The following SRRM2 variants were observed in gnomAD, a reference collection of about 807,000 sequenced individuals.
SRRM2 encodes serine/arginine repetitive matrix 2, also known as serine/arginine repetitive matrix protein 2.
SRRM2 carries 30 observed loss-of-function variants against 213.8 expected under a neutral mutation model. That is an observed-to-expected ratio of 0.14 (90% CI 0.10 to 0.19). SRRM2 has a LOEUF of 0.19. Among genes scored for constraint, SRRM2 ranks in the 10% least tolerant of loss-of-function variants. SRRM2 has a pLI of 1.00. For synonymous variants in SRRM2, 2,025 were observed against 1,377.7 expected (o/e 1.47, Z -10.40); for missense variants, 4,904 against 3,647.0 (o/e 1.34, Z -8.88).
rs963278862 is a variant in SRRM2, at chr16:2,767,748, C to G, written c.7220C>G (p.Ser2407Cys). The change falls in exon 11 of 15, where the codon TCC becomes TGC. Residue 2407 changes from serine to cysteine, a missense_variant. Coordinates refer to ENST00000301740, the MANE Select transcript of SRRM2 (RefSeq NM_016333.4). Reference protein sequence around the residue: ...TSPPLLDRARSRTPPSAPSQS... With the variant: ...TSPPLLDRARCRTPPSAPSQS... ...CCACCGCTCCTTGACCGAGCTAGGT[C>G]CAGAACACCACCGTCTGCCCCAAGC... 33 of 1,613,702 alleles carry G rather than the reference C, an allele frequency of 2.0e-5. No individual in the cohort carries two copies. Among genetic ancestry groups the G allele is most frequent in the Non-Finnish European group, 2.7e-5 (32 of 1,179,936 alleles).
At chr16:2,758,038 A>T in intron 4 of SRRM2, 93 bp downstream of exon 4, 1 of 1,453,844 alleles carries the variant, frequency 6.9e-7, no homozygotes. Flanking sequence ...TTTCTTCCCA[A>T]ACTCTTCAGA....
chr16:2,765,460 C>G lies in SRRM2; in HGVS notation c.4932C>G (p.Gly1644=), dbSNP rs775977845. 2.5e-6 allele frequency: 4 copies of G among 1,614,158 alleles called. No homozygotes were observed. Among genetic ancestry groups the G allele is most frequent in the Non-Finnish European group, 3.4e-6 (4 of 1,180,018 alleles). ...GCAGATCAGGTTCATCAAGCAAAGG[C>G]AGAGGCCCTTCTCCTGAAGGAAGCA... ...RRSRSGSSSK[G]RGPSPEGSSS... is the part of the protein sequence containing the mutation. Residue 1644 remains glycine (G), a synonymous_variant, in exon 11 of 15, where the codon GGC becomes GGG. Transcript: ENST00000301740.
Position 2,765,296 on chromosome 16 carries a change from C to G in SRRM2, c.4768C>G (p.Arg1590Gly), listed in dbSNP as rs1186478471. 3 of 1,614,008 alleles carry G rather than the reference C, an allele frequency of 1.9e-6. No homozygotes were observed. Among genetic ancestry groups the G allele is most frequent in the East Asian group, 2.2e-5 (1 of 44,882 alleles). Residue 1590 changes from arginine to glycine, a missense_variant, in exon 11 of 15, where the codon CGA becomes GGA. By Grantham distance (125) the Arg-to-Gly change is moderately radical. Coordinates refer to ENST00000301740, the MANE Select transcript of SRRM2 (RefSeq NM_016333.4). The stretch of plus-strand genomic sequence containing the variant: ...ATCTCCAGAGGTTGACAGCAAATCT[C>G]GACTATCCCCTCGGCGCAGTAGGTC... ...GSSPEVDSKSRLSPRRSRSGS... is the reference protein window; with the variant it reads ...GSSPEVDSKSGLSPRRSRSGS...
Position 2,758,559 on chromosome 16 carries a change from G to A in SRRM2, c.593+12G>A. 1 of 1,611,818 alleles carries A rather than the reference G, an allele frequency of 6.2e-7. No individual in the cohort carries two copies. The highest frequency in any genetic ancestry group is 8.5e-7 in the Non-Finnish European group (1 of 1,177,988). The stretch of plus-strand genomic sequence containing the variant: ...AAAGATAGAGGACGGTAAGTTAGTT[G>A]GAAAGTGACTCTGATAGCCAGAGGA... On this transcript the variant is annotated intron_variant, in intron 5 of 14. Transcript: ENST00000301740.
rs1358273204 is a variant in SRRM2 at position 2,767,022 on chromosome 16, C to T, written c.6494C>T (p.Pro2165Leu). 1 of 1,614,182 alleles carries T rather than the reference C, an allele frequency of 6.2e-7. No individual in the cohort carries two copies. Among genetic ancestry groups the T allele is most frequent in the Admixed American group, 1.7e-5 (1 of 60,028 alleles). Residue 2165 changes from proline (P) to leucine (L), a missense_variant, in exon 11 of 15, where the codon CCT (proline) becomes CTT (leucine). By Grantham distance (98) the Pro-to-Leu change is moderately conservative. Coordinates refer to ENST00000301740, the MANE Select transcript of SRRM2 (RefSeq NM_016333.4). ...ATGGATGGTCCAGGTCCCCGAATAC[C>T]TGACCACCAGAGAACATCTGTGCCA... is the stretch of plus-strand genomic sequence containing the variant. ...SMMDGPGPRI[P>L]DHQRTSVPEN...
rs754945975 is a variant in SRRM2 at position 2,756,379 on chromosome 16, C to T, written c.15C>T (p.Ile5=). The T allele has an allele frequency of 1.5e-5, 24 of 1,604,958 alleles. No individual in the cohort carries two copies. Among genetic ancestry groups the T allele is most frequent in the African/African-American group, 4.0e-5 (3 of 74,772 alleles). The change falls in exon 2 of 15, where the codon ATC becomes ATT. Residue 5 remains isoleucine (I), a synonymous_variant. Coordinates refer to ENST00000301740, the MANE Select transcript of SRRM2 (RefSeq NM_016333.4). MYNG[I]GLPTPRGSGT... is the part of the protein sequence containing the mutation. ...GGCACGGGGCCATGTACAACGGGAT[C>T]GGGCTGCCGACGCCCCGGGGCAGCG...
rs1292914683 is a variant in SRRM2, at chr16:2,771,211, G to A, written c.*344G>A. 2 of 655,658 alleles carry A rather than the reference G, an allele frequency of 3.1e-6. No individual in the cohort carries two copies. Among genetic ancestry groups the A allele is most frequent in the Non-Finnish European group, 5.3e-6 (2 of 374,274 alleles). 40.6% of individuals were successfully genotyped at this position (655,658 alleles called of 1,614,324 possible). Reference sequence around the variant, plus strand: ...TCCAGAAGTTCCCAGGGGTGATTGTGATGGTGGTTGGGACTGGAGGTTGTA... The same window carrying A: ...TCCAGAAGTTCCCAGGGGTGATTGTAATGGTGGTTGGGACTGGAGGTTGTA... On this transcript the variant is annotated 3_prime_UTR_variant, in exon 15 of 15. Coordinates refer to ENST00000301740, the MANE Select transcript of SRRM2 (RefSeq NM_016333.4).
chr16:2,768,350 G>T (rs1026559552), intron 11 of SRRM2, 89 bp downstream of exon 11: 34 of 1,439,948 alleles, frequency 2.4e-5, no homozygotes, highest in Non-Finnish European at 3.0e-5. Flanking sequence ...TGTCACAGGT[G>T]CTTGGCTCTT....
chr16:2,755,179 T>C (rs1194516379), intron 1 of SRRM2, among the ~76,000 whole-genome samples: 2 of 152,008 alleles, frequency 1.3e-5, no homozygotes, highest in Non-Finnish European at 1.5e-5. Flanking sequence ...AGGAATAGAG[T>C]ATGTGTAGCC....
chr16:2,763,709 T>C lies in SRRM2; in HGVS notation c.3181T>C (p.Ser1061Pro). 1 of 1,614,110 alleles carries C rather than the reference T, an allele frequency of 6.2e-7. No individual in the cohort carries two copies. Among genetic ancestry groups the C allele is most frequent in the East Asian group, 2.2e-5 (1 of 44,880 alleles). Residue 1061 changes from serine (S) to proline (P), a missense_variant, in exon 11 of 15, where the codon TCT (serine) becomes CCT (proline). Physicochemically the swap from Ser to Pro is moderately conservative, Grantham distance 74. Transcript: ENST00000301740. ...GVSSLQLKGQ[S>P]QTSPDHRSDT... ...CTCATCTCTGCAACTGAAAGGACAA[T>C]CTCAAACTTCACCAGACCACAGATC...
In SRRM2 at chr16:2,762,372, C is replaced by T; in HGVS notation, c.1844C>T (p.Ser615Phe). ...AGAACACCAGCCCGGAGGGGCAGGT[C>T]TCGGTCTAGAACACCTGCTAGGCGC... ...RSRTPARRGR[S>F]RSRTPARRRS... Residue 615 changes from serine to phenylalanine, a missense_variant, in exon 11 of 15, where the codon TCT (serine) becomes TTT (phenylalanine). Ser to Phe is a radical substitution (Grantham distance 155). Transcript: ENST00000301740. 1 of 1,614,184 alleles carries T rather than the reference C, an allele frequency of 6.2e-7. No homozygotes were observed. The highest frequency in any genetic ancestry group is 8.5e-7 in the Non-Finnish European group (1 of 1,180,024).
chr16:2,763,392 C>G lies in SRRM2; in HGVS notation c.2864C>G (p.Pro955Arg). ...CCACGGCGAAGCAGATCAGTATCTC[C>G]CTGCTCCAATGTGGAATCCAGATTG... ...TTPRRSRSVS[P>R]CSNVESRLLP... Residue 955 changes from proline (P) to arginine (R), a missense_variant, in exon 11 of 15, where the codon CCC becomes CGC. Coordinates refer to ENST00000301740, the MANE Select transcript of SRRM2 (RefSeq NM_016333.4). 6.2e-7 allele frequency: 1 copy of G among 1,614,214 alleles called. No homozygotes were observed. The highest frequency in any genetic ancestry group is 8.5e-7 in the Non-Finnish European group (1 of 1,180,042).
At position 2,765,495 on chromosome 16, in the gene SRRM2, A is replaced by T. The variant is rs780491671; in HGVS notation, c.4967A>T (p.Glu1656Val). The change falls in exon 11 of 15, where the codon GAG (glutamate) becomes GTG (valine). Residue 1656 changes from glutamate (E) to valine (V), a missense_variant. Coordinates refer to ENST00000301740, the MANE Select transcript of SRRM2 (RefSeq NM_016333.4). ...GPSPEGSSST[E>V]SSPEHPPKSR... ...TCTCCTGAAGGAAGCAGCAGTACCG[A>T]GTCCTCTCCTGAACATCCGCCCAAA... 2.0e-5 allele frequency: 32 copies of T among 1,614,198 alleles called. No individual in the cohort carries two copies. The highest frequency in any genetic ancestry group is 1.0e-5 in the Non-Finnish European group (12 of 1,180,020).
At position 2,765,991 on chromosome 16, in the gene SRRM2, C is replaced by T; in HGVS notation, c.5463C>T (p.His1821=). ...TRRRRGGSGY[H]SRSPARQESS... is the part of the protein sequence containing the mutation. Reference sequence around the variant, plus strand: ...GGCGGAGGGGAGGCTCTGGTTATCACTCAAGGTCACCTGCCCGGCAGGAAA... The same window carrying T: ...GGCGGAGGGGAGGCTCTGGTTATCATTCAAGGTCACCTGCCCGGCAGGAAA... The change falls in exon 11 of 15, where the codon CAC becomes CAT. Residue 1821 remains histidine, a synonymous_variant. Transcript: ENST00000301740. 1.9e-6 allele frequency: 3 copies of T among 1,614,136 alleles called. No individual in the cohort carries two copies. Among genetic ancestry groups the T allele is most frequent in the Non-Finnish European group, 2.5e-6 (3 of 1,180,024 alleles).
In SRRM2 at chr16:2,764,756, G is replaced by A; in HGVS notation, c.4228G>A (p.Val1410Ile). The A allele has an allele frequency of 6.2e-7, 1 of 1,614,154 alleles. No individual in the cohort carries two copies. Among genetic ancestry groups the A allele is most frequent in the Non-Finnish European group, 8.5e-7 (1 of 1,180,036 alleles). ...CATCTCTTCACCTGTGCTTGATGCT[G>A]TACCCAGAACACCCTCGAGAGAAAG... ...QSISSPVLDA[V>I]PRTPSRERSS... The change falls in exon 11 of 15, where the codon GTA becomes ATA. Residue 1410 changes from valine to isoleucine, a missense_variant. By Grantham distance (29) the Val-to-Ile change is conservative. Transcript: ENST00000301740.
At chr16:2,757,636 G>C (rs971042531) in intron 3 of SRRM2, 57 bp downstream of exon 3, 2 of 1,585,834 alleles carry the variant, frequency 1.3e-6, no homozygotes, top group East Asian at 4.5e-5. Flanking sequence ...GCTGGCTGCT[G>C]CTGCTGTCCT....
rs746760304 is a variant in SRRM2 at position 2,770,692 on chromosome 16, C to T, written c.8224C>T (p.Arg2742Trp). 90 of 1,557,634 alleles carry T rather than the reference C, an allele frequency of 5.8e-5. No homozygotes were observed. Among genetic ancestry groups the T allele is most frequent in the Admixed American group, 1.5e-4 (8 of 51,762 alleles). Residue 2742 changes from arginine to tryptophan, a missense_variant, in exon 14 of 15, where the codon CGG becomes TGG. Arg to Trp is a moderately radical substitution (Grantham distance 101). Transcript: ENST00000301740. ...HKRRRETPSP[R>W]PMRHRSSRSP ...GCGCAGGAGGGAGACACCTAGCCCT[C>T]GGCCCATGAGACACCGCTCCTCCAG...
chr16:2,757,357 A>C, intron 2 of SRRM2, 115 bp from the exon 3 acceptor site: 1 of 780,848 alleles, frequency 1.3e-6, no homozygotes, highest in Non-Finnish European at 2.1e-6. Flanking sequence ...GGTGAGCGAA[A>C]AGTTCTGTGT....
At chr16:2,753,365 TAGG>T (rs944478160) in intron 1 of SRRM2, 4 of 152,094 alleles carry the variant, frequency 2.6e-5, no homozygotes, top group Non-Finnish European at 4.4e-5. Flanking sequence ...AGGCCGAAAA[TAGG>T]CCCCCGGCGC....
Sources: gnomAD v4.1 joint callset for allele counts (sites outside exome capture counted in the v4.1 genomes callset) on GRCh38, gnomAD v4.1.1 for gene constraint, MANE v1.5 for transcripts, NCBI Gene and HGNC (gene_info 2026-07-23, HGNC 2026-07-21) for gene names.